Variants in PGAM5 observed in about 807,000 individuals in gnomAD.
The protein encoded by PGAM5 is serine/threonine-protein phosphatase PGAM5, mitochondrial.
PGAM5 carries 25 observed loss-of-function variants against 30.6 expected under a neutral mutation model. The observed-to-expected ratio is 0.82, with a 90% CI of 0.60 to 1.14. The LOEUF (loss-of-function observed/expected upper bound fraction) is 1.14. PGAM5 is among the 50% of genes most tolerant of loss of function. The pLI, the probability that PGAM5 is intolerant of heterozygous loss-of-function variation, is 0.00. For synonymous variants in PGAM5, 201 were observed against 179.1 expected (o/e 1.12, Z -0.98); for missense variants, 384 against 408.5 (o/e 0.94, Z 0.52).
In PGAM5 at chr12:132,717,582, G is replaced by A. The variant is rs1453610538; in HGVS notation, c.496+18G>A. 1.9e-6 allele frequency: 3 copies of A among 1,609,312 alleles called. No individual in the cohort carries two copies. Among genetic ancestry groups the A allele is most frequent in the East Asian group, 4.5e-5 (2 of 44,840 alleles). The stretch of plus-strand genomic sequence containing the variant: ...CCTGCCAGGTGAGTGCTGCGCGCGG[G>A]GCCTCCATGCTTGCAGCAGTGGGCG... On this transcript the variant is annotated intron_variant, in intron 3 of 5. Coordinates refer to ENST00000498926, the MANE Select transcript of PGAM5 (RefSeq NM_001170543.2).
At position 132,717,595 on chromosome 12, in the gene PGAM5, G is replaced by A. The variant is rs1232717582; in HGVS notation, c.496+31G>A. 3.1e-6 allele frequency: 5 copies of A among 1,606,794 alleles called. No individual in the cohort carries two copies. The South Asian group carries it at 4.4e-5, about 14-fold the overall frequency. On this transcript the variant is annotated intron_variant, in intron 3 of 5. Transcript: ENST00000498926. ...TGCTGCGCGCGGGGCCTCCATGCTT[G>A]CAGCAGTGGGCGGCTCGTGGCAGGG...
chr12:132,719,889 G>A (rs924234352), intron 5 of PGAM5, among the ~76,000 whole-genome samples: 2 of 152,224 alleles, frequency 1.3e-5, no homozygotes, highest in South Asian at 2.1e-4. Flanking sequence ...AAGATGCCAC[G>A]GCGGGTAGAT....
At chr12:132,719,909 G>A (rs79948795) in intron 5 of PGAM5, among the ~76,000 whole-genome samples, 398 of 152,314 alleles carry the variant, frequency 2.6e-3, no homozygotes, top group Middle Eastern at 0.01. Context: ...TCCCATCTCC[G>A]TTCTTTGCTT....
In PGAM5 at chr12:132,717,811, C is replaced by T. The variant is rs199608250; in HGVS notation, c.585+13C>T. On this transcript the variant is annotated intron_variant, in intron 4 of 5. Coordinates refer to ENST00000498926, the MANE Select transcript of PGAM5 (RefSeq NM_001170543.2). ...GCCGGAAGCTGTGGTAAAAACCTCC[C>T]CGGGGGGCAGCTGTGTCACCCTCGC... 2 of 1,578,962 alleles carry T rather than the reference C, an allele frequency of 1.3e-6. No individual in the cohort carries two copies. Among genetic ancestry groups the T allele is most frequent in the Non-Finnish European group, 1.7e-6 (2 of 1,162,650 alleles).
Position 132,714,948 on chromosome 12 carries a change from C to G in PGAM5, c.282C>G (p.Ala94=). 6.2e-7 allele frequency: 1 copy of G among 1,613,644 alleles called. No homozygotes were observed. The highest frequency in any genetic ancestry group is 8.5e-7 in the Non-Finnish European group (1 of 1,180,018). Residue 94 remains alanine (A), a synonymous_variant, in exon 2 of 6, where the codon GCC becomes GCG. Transcript: ENST00000498926. The part of the protein sequence containing the change: ...ELASKLDHYK[A]KATRHIFLIR... ...CGTCCAAGCTGGACCACTACAAAGC[C>G]AAGGCCACGCGGCACATCTTCCTCA... is the stretch of plus-strand genomic sequence containing the variant.
chr12:132,716,584 G>T (rs532184448), intron 2 of PGAM5, among the ~76,000 whole-genome samples: 1 of 152,108 alleles, frequency 6.6e-6, no homozygotes, highest in Admixed American at 6.6e-5. Context: ...ACAGGATCCC[G>T]CCTGTCCCCA....
rs530386359 is a variant in PGAM5, at chr12:132,710,909, C to G, written c.33C>G (p.Ala11=). Residue 11 remains alanine (A), a synonymous_variant, in exon 1 of 6, where the codon GCC becomes GCG. Coordinates refer to ENST00000498926, the MANE Select transcript of PGAM5 (RefSeq NM_001170543.2). ...TCCGGCAGGCGCTGCAGCTGGCGGC[C>G]TGCGGGCTGGCCGGGGGCTCGGCCG... MAFRQALQLA[A]CGLAGGSAAV... The G allele has an allele frequency of 8.7e-7, 1 of 1,149,412 alleles. No homozygotes were observed. Among genetic ancestry groups the G allele is most frequent in the Non-Finnish European group, 1.1e-6 (1 of 936,544 alleles). 71.2% of individuals were successfully genotyped at this position (1,149,412 alleles called of 1,614,324 possible).
At chr12:132,717,363 T>TGAGGGTGGAGGAGG in intron 2 of PGAM5, 76 bp from the exon 3 acceptor site, 1 of 1,324,126 alleles carries the variant, frequency 7.6e-7, no homozygotes, top group Non-Finnish European at 9.9e-7. Flanking sequence ...AGGGCGTGTT[T>TGAGGGTGGAGGAGG]GCGGGCGGAG....
In PGAM5 at chr12:132,721,595, T is replaced by C. The variant is rs549914233; in HGVS notation, c.*767T>C. The C allele has an allele frequency of 6.6e-6, 1 of 152,262 alleles. No individual in the cohort carries two copies. The highest frequency in any genetic ancestry group is 2.1e-4 in the South Asian group (1 of 4,824). 9.4% of individuals were successfully genotyped at this position (152,262 alleles called of 1,614,324 possible). A position where few individuals can be genotyped will look rare whatever the true frequency, so the allele number is the denominator to read the frequency against. ...GGCAAGCGAGGGAGACTTAAAGCAA[T>C]TTTTTCTTTTGAAACGGAGTTTCAC... On this transcript the variant is annotated 3_prime_UTR_variant, in exon 6 of 6. Transcript: ENST00000498926.
chr12:132,717,580 G>A lies in PGAM5; in HGVS notation c.496+16G>A, dbSNP rs1274048190. On this transcript the variant is annotated intron_variant, in intron 3 of 5. Transcript: ENST00000498926. ...CACCTGCCAGGTGAGTGCTGCGCGC[G>A]GGGCCTCCATGCTTGCAGCAGTGGG... 31 of 1,609,412 alleles carry A rather than the reference G, an allele frequency of 1.9e-5. No individual in the cohort carries two copies. The highest frequency in any genetic ancestry group is 5.3e-5 in the African/African-American group (4 of 75,010).
At chr12:132,715,213 C>A (rs991841220) in intron 2 of PGAM5, among the ~76,000 whole-genome samples, 177 bp downstream of exon 2, 2 of 152,210 alleles carry the variant, frequency 1.3e-5, no homozygotes, top group Non-Finnish European at 2.9e-5. Context: ...ACCATCACCC[C>A]TGAATCACAC....
At chr12:132,720,644 A>C in intron 5 of PGAM5, 34 bp from the exon 6 acceptor site, 4 of 1,526,460 alleles carry the variant, frequency 2.6e-6, no homozygotes, top group Middle Eastern at 1.7e-4. Flanking sequence ...CCCTGGCTCT[A>C]ACGTGCTCTT....
At position 132,717,985 on chromosome 12, in the gene PGAM5, A is replaced by G. The variant is rs200934880; in HGVS notation, c.586-2A>G. On this transcript the variant is annotated splice_acceptor_variant, in intron 4 of 5. Transcript: ENST00000498926. LOFTEE classifies it high-confidence loss of function. ...ACTGACGGCTCCTCACTCTGCCCCCAGCAGTATTACGAAGACGGAGCCCGG... is the reference window on the plus strand; with the variant it reads ...ACTGACGGCTCCTCACTCTGCCCCCGGCAGTATTACGAAGACGGAGCCCGG... The G allele has an allele frequency of 1.2e-6, 2 of 1,612,552 alleles. No homozygotes were observed. Among genetic ancestry groups the G allele is most frequent in the East Asian group, 2.2e-5 (1 of 44,832 alleles).
intron 2 of PGAM5, among the ~76,000 whole-genome samples, chr12:132,715,902 T>G (rs1370246294): frequency 1.3e-5 from 2 of 152,194 alleles, no homozygotes; most frequent in Non-Finnish European, 2.9e-5. Context: ...CCTTAACTTT[T>G]AGCAAATGTT....
chr12:132,714,607 G>A (rs1396671244), intron 1 of PGAM5: 2 of 431,366 alleles, frequency 4.6e-6, no homozygotes, highest in Non-Finnish European at 8.5e-6. Flanking sequence ...TCTCATTAGA[G>A]AAGAAGATGC....
chr12:132,717,139 T>C (rs1017937474), intron 2 of PGAM5, among the ~76,000 whole-genome samples: 1 of 152,118 alleles, frequency 6.6e-6, no homozygotes, highest in African/African-American at 2.4e-5. Context: ...CCAGCCACCA[T>C]CCGGTTTGCT....
At chr12:132,714,470 C>T (rs1448454057) in intron 1 of PGAM5, among the ~76,000 whole-genome samples, 5 of 152,204 alleles carry the variant, frequency 3.3e-5, no homozygotes, top group East Asian at 1.9e-4. Context: ...GTCAGGGAGG[C>T]CCATCTTGGC....
intron 1 of PGAM5, among the ~76,000 whole-genome samples, chr12:132,714,149 C>T (rs548653231): frequency 6.6e-6 from 1 of 152,188 alleles, no homozygotes; most frequent in Non-Finnish European, 1.5e-5. Context: ...TCCCAAGTAG[C>T]TGGGATCACA....
intron 5 of PGAM5, 63 bp downstream of exon 5, chr12:132,718,183 A>C: frequency 1.0e-5 from 16 of 1,597,374 alleles, no homozygotes; most frequent in Non-Finnish European, 1.3e-5. Flanking sequence ...AAGCATGAGG[A>C]AGAAGCCGAG....
Sources: allele counts gnomAD v4.1 joint callset (sites outside exome capture counted in the v4.1 genomes callset), GRCh38; gene constraint gnomAD v4.1.1; transcripts MANE v1.5; gene names NCBI Gene and HGNC (gene_info 2026-07-23, HGNC 2026-07-21).